The following DOP1B variants were observed in gnomAD, a reference collection of about 807,000 sequenced individuals.
The protein encoded by DOP1B is DOP1 leucine zipper like protein B.
DOP1B carries 174 observed loss-of-function variants against 233.5 expected under a neutral mutation model. The ratio of observed to expected loss-of-function variants is 0.75; its 90% CI spans 0.66 to 0.85. DOP1B has a LOEUF of 0.85. Among genes scored for constraint, DOP1B ranks in the 40% least tolerant of loss-of-function variants. The pLI is 0.00. For synonymous variants in DOP1B, 1,190 were observed against 1,185.6 expected, an observed-to-expected ratio of 1.00 and a Z score of -0.08; for missense variants, 2,652 against 2,846.6, an observed-to-expected ratio of 0.93 and a Z score of 1.56.
At position 36,211,598 on chromosome 21, in the gene DOP1B, CA is replaced by C; in HGVS notation, c.730del (p.Arg244GlufsTer43). On this transcript the variant is annotated frameshift_variant, in exon 6 of 37. Coordinates refer to ENST00000691173, the MANE Select transcript of DOP1B (RefSeq NM_001320714.2). LOFTEE classifies it high-confidence loss of function. ...CCTGTTGGACTCAAATGTTCTTGTG[CA>C]AAGAAATAATCTGGAAATCGTTCTG... ...ASLLDSNVLV[Q>X]RNNLEIVLFF... is the part of the protein sequence containing the mutation. The C allele has an allele frequency of 6.2e-7, 1 of 1,614,168 alleles. No homozygotes were observed. Among genetic ancestry groups the C allele is most frequent in the Admixed American group, 1.7e-5 (1 of 60,018 alleles).
chr21:36,276,097 G>A (rs997079032), intron 27 of DOP1B, among the ~76,000 whole-genome samples: 5 of 152,046 alleles, frequency 3.3e-5, no homozygotes, highest in African/African-American at 1.2e-4. Context: ...GAAGGCCAGG[G>A]GCTTAGAGGC....
Position 36,288,094 on chromosome 21 carries a change from C to T in DOP1B, c.6241C>T (p.Leu2081=), listed in dbSNP as rs780991588. ...GTTTCTTTTTTTCAGAGTTTTGCTG[C>T]TAAGAATATCTCCTCAACATTTGAC... is the stretch of plus-strand genomic sequence containing the variant. ...QMFLFFRVLL[L]RISPQHLTSL... Residue 2081 remains leucine, a synonymous_variant, in exon 33 of 37, where the codon CTA becomes TTA. Coordinates refer to ENST00000691173, the MANE Select transcript of DOP1B (RefSeq NM_001320714.2). 3 of 1,614,012 alleles carry T rather than the reference C, an allele frequency of 1.9e-6. No homozygotes were observed. In the South Asian group the frequency reaches 3.3e-5, roughly 18 times the overall value.
In DOP1B at chr21:36,224,503, AAG is replaced by A. The variant is rs1323741302; in HGVS notation, c.1371-1060_1371-1059del. Among the ~76,000 whole-genome samples the A allele has an allele frequency of 4.6e-5, 7 of 151,510 alleles. No homozygotes were observed. The East Asian group carries it at 1.4e-3, about 30-fold the overall frequency. On this transcript the variant is annotated intron_variant, in intron 11 of 36. Transcript: ENST00000691173. ...CCATCCTGGTTATTAAAAAAAAAAA[AAG>A]AATAAAATGTTTCTACCCAGATAGA...
At chr21:36,250,492 C>T (rs1425489200) in intron 21 of DOP1B, among the ~76,000 whole-genome samples, 1 of 152,078 alleles carries the variant, frequency 6.6e-6, no homozygotes, top group Non-Finnish European at 1.5e-5. Flanking sequence ...GTTCCTGAGG[C>T]GGCATGGCTT....
chr21:36,214,736 T>G (rs2066540940), intron 9 of DOP1B, among the ~76,000 whole-genome samples, 180 bp downstream of exon 9: 1 of 152,152 alleles, frequency 6.6e-6, no homozygotes, highest in Non-Finnish European at 1.5e-5. Flanking sequence ...ACTTACAAGT[T>G]TTGCATGGCT....
At position 36,223,239 on chromosome 21, in the gene DOP1B, A is replaced by C; in HGVS notation, c.1259A>C (p.Lys420Thr). The C allele has an allele frequency of 6.2e-7, 1 of 1,601,242 alleles. No individual in the cohort carries two copies. Among genetic ancestry groups the C allele is most frequent in the Non-Finnish European group, 8.5e-7 (1 of 1,176,624 alleles). The change falls in exon 11 of 37, where the codon AAG becomes ACG. Residue 420 changes from lysine (K) to threonine (T), a missense_variant. Coordinates refer to ENST00000691173, the MANE Select transcript of DOP1B (RefSeq NM_001320714.2). ...QSGNSLISAI[K>T]ENRNASEIVK... The stretch of plus-strand genomic sequence containing the variant: ...GTCCTCCCCTTTTACAGTGCAATCA[A>C]GGAAAACAGAAATGCCTCTGAGATT...
rs1401575404 is a variant in DOP1B, at chr21:36,200,407, T to G, written c.397T>G (p.Phe133Val). ...GCTGCTCACCCTGTACGAGAAGTAC[T>G]TCCTCCCACTGCAGAAGCTGCTCCT... The part of the protein sequence containing the change: ...PVLLTLYEKY[F>V]LPLQKLLLPS... Residue 133 changes from phenylalanine (F) to valine (V), a missense_variant, in exon 4 of 37, where the codon TTC becomes GTC. Phe to Val is a conservative substitution (Grantham distance 50). Transcript: ENST00000691173. 6.2e-7 allele frequency: 1 copy of G among 1,613,670 alleles called. No homozygotes were observed. Among genetic ancestry groups the G allele is most frequent in the Non-Finnish European group, 8.5e-7 (1 of 1,180,008 alleles).
intron 24 of DOP1B, among the ~76,000 whole-genome samples, chr21:36,262,539 A>G (rs1392036443): frequency 6.6e-6 from 1 of 152,134 alleles, no homozygotes; most frequent in Non-Finnish European, 1.5e-5. Flanking sequence ...GCCTTCTGAC[A>G]GGTGATGCTG....
intron 19 of DOP1B, 84 bp from the exon 20 acceptor site, chr21:36,247,433 C>T (rs561425064): frequency 2.1e-5 from 18 of 846,714 alleles, no homozygotes; most frequent in African/African-American, 3.5e-5. Context: ...CTCCCTAGTT[C>T]CTGTGTTTAT....
Position 36,238,479 on chromosome 21 carries a change from C to T in DOP1B, c.2776-122C>T. The T allele has an allele frequency of 1.2e-5, 9 of 756,856 alleles. No individual in the cohort carries two copies. The South Asian group carries it at 1.3e-4, about 11-fold the overall frequency. 46.9% of individuals were successfully genotyped at this position (756,856 alleles called of 1,614,324 possible). On this transcript the variant is annotated intron_variant, in intron 16 of 36. Coordinates refer to ENST00000691173, the MANE Select transcript of DOP1B (RefSeq NM_001320714.2). ...GTCAAAGGAGAATGCAGCGTCTTTG[C>T]TGTGGTTGCTGTCAGTTCTGCTGAA...
chr21:36,232,105 A>G (rs1261351080), intron 14 of DOP1B, among the ~76,000 whole-genome samples: 2 of 151,862 alleles, frequency 1.3e-5, no homozygotes, highest in Admixed American at 1.3e-4. Context: ...AGGCCTCCCA[A>G]AGTGCTGGGG....
intron 2 of DOP1B, among the ~76,000 whole-genome samples, chr21:36,181,585 T>C (rs2066099232): frequency 6.6e-6 from 1 of 152,210 alleles, no homozygotes; most frequent in African/African-American, 2.4e-5. Flanking sequence ...GGCCCAGGAC[T>C]CTTGTCTTCT....
chr21:36,157,389 G>C (rs1486482988), intron 1 of DOP1B, among the ~76,000 whole-genome samples: 1 of 152,184 alleles, frequency 6.6e-6, no homozygotes, highest in Non-Finnish European at 1.5e-5. Flanking sequence ...AGACCTGTGA[G>C]AACTAAGGGC....
At chr21:36,192,391 CT>C (rs369131737) in intron 2 of DOP1B, among the ~76,000 whole-genome samples, 601 of 136,738 alleles carry the variant, frequency 4.4e-3, no homozygotes, top group Middle Eastern at 0.027. Context: ...AATTTTCATT[CT>C]TTTTTTTTTT....
intron 1 of DOP1B, among the ~76,000 whole-genome samples, chr21:36,159,933 G>A (rs1400970380): frequency 6.6e-6 from 1 of 152,114 alleles, no homozygotes; most frequent in Non-Finnish European, 1.5e-5. Flanking sequence ...TGACACTTAC[G>A]TGTCCCACAT....
At chr21:36,204,417 ACCCT>A (rs1326387776) in intron 4 of DOP1B, among the ~76,000 whole-genome samples, 2 of 152,128 alleles carry the variant, frequency 1.3e-5, no homozygotes, top group Admixed American at 6.5e-5. Flanking sequence ...GGGAAGACGT[ACCCT>A]CTTAGGGCCC....
At position 36,271,203 on chromosome 21, in the gene DOP1B, C is replaced by CTTTGTTT. The variant is rs1232715425; in HGVS notation, c.5632+1056_5632+1062dup. Among the ~76,000 whole-genome samples, 7 of 151,122 alleles carry CTTTGTTT rather than the reference C, an allele frequency of 4.6e-5. No individual in the cohort carries two copies. In the East Asian group the frequency reaches 9.7e-4, roughly 21 times the overall value. ...CTGTGTTCATTCACCCAGACTCTTT[C>CTTTGTTT]TTTGTTTTTTGTTTTTGTTTTTTTG... On this transcript the variant is annotated intron_variant, in intron 27 of 36. Transcript: ENST00000691173.
intron 26 of DOP1B, among the ~76,000 whole-genome samples, chr21:36,267,308 T>A (rs749864775): frequency 6.6e-6 from 1 of 152,218 alleles, no homozygotes; most frequent in Non-Finnish European, 1.5e-5. Context: ...AAAGATGCAT[T>A]TCTAGGAAGA....
intron 27 of DOP1B, among the ~76,000 whole-genome samples, chr21:36,270,580 T>A (rs1363178240): frequency 2.1e-3 from 168 of 80,118 alleles, no homozygotes; most frequent in African/African-American, 2.6e-3. Flanking sequence ...AAAAAAAAAG[T>A]ATTTAGAGCA....
Sources: allele counts gnomAD v4.1 joint callset (sites outside exome capture counted in the v4.1 genomes callset), GRCh38; gene constraint gnomAD v4.1.1; transcripts MANE v1.5; gene names NCBI Gene and HGNC (gene_info 2026-07-23, HGNC 2026-07-21).